EXOSC10: variants seen among roughly 807,000 people sequenced by gnomAD.
EXOSC10 encodes exosome component 10.
Under a neutral mutation model 126.6 loss-of-function variants are expected in EXOSC10, and 94 were observed. That is an observed-to-expected ratio of 0.74 (90% CI 0.63 to 0.88). The LOEUF (loss-of-function observed/expected upper bound fraction) is 0.88. EXOSC10 is among the 40% of genes least tolerant of loss of function. The pLI is 0.00. For synonymous variants in EXOSC10, 395 were observed against 400.8 expected, an observed-to-expected ratio of 0.99 and a Z score of 0.17; for missense variants, 1,041 against 1,100.5, an observed-to-expected ratio of 0.95 and a Z score of 0.77.
At chr1:11,077,495 T>TAGCTTTCTGCCAGCTGTCAGC in intron 15 of EXOSC10, 52 bp from the exon 16 acceptor site, 1 of 1,593,844 alleles carries the variant, frequency 6.3e-7, no homozygotes, top group South Asian at 1.1e-5. Flanking sequence ...AAGCCGGCAG[T>TAGCTTTCTGCCAGCTGTCAGC]AGCTTTCTGC....
At chr1:11,070,474 A>G (rs1241584025) in intron 21 of EXOSC10, among the ~76,000 whole-genome samples, 1 of 148,476 alleles carries the variant, frequency 6.7e-6, no homozygotes, top group African/African-American at 2.5e-5. Flanking sequence ...GTGAGCTGCA[A>G]CTGTGCCACT....
intron 15 of EXOSC10, 60 bp from the exon 16 acceptor site, chr1:11,077,503 T>C (rs1331708666): frequency 5.6e-6 from 9 of 1,601,768 alleles, no homozygotes; most frequent in African/African-American, 5.4e-5. Flanking sequence ...AGTAGCTTTC[T>C]GCCAGCTGTC....
intron 19 of EXOSC10, chr1:11,072,453 C>A: frequency 3.2e-6 from 1 of 317,162 alleles, no homozygotes; most frequent in Non-Finnish European, 5.9e-6. Flanking sequence ...ATCACCCTCT[C>A]TTTAGAGATG....
chr1:11,095,701 G>A (rs1181090781), intron 3 of EXOSC10, 57 bp downstream of exon 3: 21 of 1,545,128 alleles, frequency 1.4e-5, no homozygotes, highest in Middle Eastern at 1.7e-4. Context: ...GCGACAGAGC[G>A]AGACTCCGTC....
chr1:11,067,324 C>T (rs911244129), intron 24 of EXOSC10, among the ~76,000 whole-genome samples: 1 of 151,976 alleles, frequency 6.6e-6, no homozygotes, highest in African/African-American at 2.4e-5. Flanking sequence ...CCCAGCTACT[C>T]GAGAGGCTGA....
chr1:11,090,342 T>C lies in EXOSC10; in HGVS notation c.758+212A>G, dbSNP rs548155113. Among the ~76,000 whole-genome samples the C allele has an allele frequency of 3.7e-3, 571 of 152,312 alleles. 1 individual carries two copies. Among genetic ancestry groups the C allele is most frequent in the Non-Finnish European group, 6.8e-3 (466 of 68,030 alleles). ...AAATGGGAATAAGAGCAACTGCTAC[T>C]TCTCAGGACTGCAGTGAGGTTTACA... On this transcript the variant is annotated intron_variant, in intron 6 of 24. Coordinates refer to ENST00000376936, the MANE Select transcript of EXOSC10 (RefSeq NM_001001998.3).
In EXOSC10 at chr1:11,095,862, A is replaced by C; in HGVS notation, c.268T>G (p.Tyr90Asp). ...LLQCMSRVMQ[Y>D]HGCRSNIKDR... ...TTAATGTTGCTGCGACACCCATGGT[A>C]CTGCATTACTCTGCTCATGCTAAGG... Residue 90 changes from tyrosine to aspartate, a missense_variant, in exon 3 of 25, where the codon TAC becomes GAC. Physicochemically the swap from Tyr to Asp is radical, Grantham distance 160. Around this residue, in one of 3 missense-constraint regions of EXOSC10, gnomAD observed 645 missense variants for 656.3 expected, o/e 0.98. Transcript: ENST00000376936. 6.2e-7 allele frequency: 1 copy of C among 1,613,962 alleles called. No individual in the cohort carries two copies. Among genetic ancestry groups the C allele is most frequent in the Non-Finnish European group, 8.5e-7 (1 of 1,179,784 alleles).
intron 22 of EXOSC10, 145 bp from the exon 23 acceptor site, chr1:11,068,851 G>A: frequency 1.4e-6 from 1 of 690,124 alleles, no homozygotes; most frequent in East Asian, 2.6e-5. Flanking sequence ...TAGGGCTCAT[G>A]GCTCACATAA....
rs113030447 is a variant in EXOSC10 at position 11,082,079 on chromosome 1, C to CAA, written c.1280+607_1280+608dup. On this transcript the variant is annotated intron_variant, in intron 10 of 24. Coordinates refer to ENST00000376936, the MANE Select transcript of EXOSC10 (RefSeq NM_001001998.3). ...CCTGGGCAACAGTGAAACTGCATCT[C>CAA]AAAAAAAAAAAAAGAAAAAAAGAAA... Among the ~76,000 whole-genome samples the CAA allele has an allele frequency of 4.9e-3, 569 of 116,916 alleles. 4 individuals are homozygous for CAA. Among genetic ancestry groups the CAA allele is most frequent in the African/African-American group, 0.017 (530 of 31,822 alleles). The allele number at this position is 116,916 out of a possible 152,430, so 76.7% of individuals were successfully genotyped here. A position where few individuals can be genotyped will look rare whatever the true frequency, so the allele number is the denominator to read the frequency against.
chr1:11,086,851 C>T (rs1338940680), intron 9 of EXOSC10, among the ~76,000 whole-genome samples: 1 of 152,030 alleles, frequency 6.6e-6, no homozygotes, highest in East Asian at 1.9e-4. Flanking sequence ...GCACTAAATG[C>T]CCATAATAGA....
intron 9 of EXOSC10, among the ~76,000 whole-genome samples, chr1:11,085,257 T>A (rs1288727737): frequency 6.6e-6 from 1 of 152,224 alleles, no homozygotes; most frequent in African/African-American, 2.4e-5. Flanking sequence ...TTCCTACCCA[T>A]GAGCATGGAA....
Position 11,087,442 on chromosome 1 carries a change from G to T in EXOSC10, c.1089+6C>A, listed in dbSNP as rs375576546. The stretch of plus-strand genomic sequence containing the variant: ...CACATGCATGAGTTACAAAAGGCTG[G>T]CTGACCTTAACGATGGCTGGGTCTG... On this transcript the variant is annotated splice_donor_region_variant and intron_variant, in intron 9 of 24. Coordinates refer to ENST00000376936, the MANE Select transcript of EXOSC10 (RefSeq NM_001001998.3). 4 of 1,613,978 alleles carry T rather than the reference G, an allele frequency of 2.5e-6. No homozygotes were observed. The highest frequency in any genetic ancestry group is 3.4e-6 in the Non-Finnish European group (4 of 1,179,940).
intron 2 of EXOSC10, among the ~76,000 whole-genome samples, chr1:11,096,126 G>T (rs999240715): frequency 6.6e-6 from 1 of 152,046 alleles, no homozygotes; most frequent in African/African-American, 2.4e-5. Context: ...TGGGATTATA[G>T]GCACATGCCA....
intron 6 of EXOSC10, among the ~76,000 whole-genome samples, chr1:11,088,654 C>A (rs115686106): frequency 2.6e-5 from 4 of 152,068 alleles, no homozygotes; most frequent in Non-Finnish European, 4.4e-5. Flanking sequence ...GTGTGTTCCT[C>A]GAGGATCACG....
chr1:11,068,436 AC>A, intron 23 of EXOSC10: 1 of 606,858 alleles, frequency 1.6e-6, no homozygotes, highest in Admixed American at 2.9e-5. Context: ...ACAGAATAAT[AC>A]CCTTTAAAGC....
intron 4 of EXOSC10, 41 bp downstream of exon 4, chr1:11,091,452 A>C (rs1454492402): frequency 6.6e-7 from 1 of 1,524,792 alleles, no homozygotes; most frequent in South Asian, 1.2e-5. Context: ...TCTGTTATGA[A>C]GCTGACATCA....
intron 9 of EXOSC10, among the ~76,000 whole-genome samples, chr1:11,086,098 T>C (rs1640479755): frequency 6.6e-6 from 1 of 151,108 alleles, no homozygotes; most frequent in Non-Finnish European, 1.5e-5. Context: ...TGGTTGTGTC[T>C]CTGCCCGGCT....
At chr1:11,078,215 T>C (rs1639930696) in intron 14 of EXOSC10, among the ~76,000 whole-genome samples, 1 of 151,330 alleles carries the variant, frequency 6.6e-6, no homozygotes, top group African/African-American at 2.4e-5. Context: ...CAGTGAGCCA[T>C]GATTGCACCA....
intron 10 of EXOSC10, among the ~76,000 whole-genome samples, chr1:11,081,720 T>G (rs1640176890): frequency 6.6e-6 from 1 of 152,174 alleles, no homozygotes; most frequent in Non-Finnish European, 1.5e-5. Flanking sequence ...GTTTTTAGAT[T>G]TTATCAATTT....
Sources: gnomAD v4.1 joint callset for allele counts (sites outside exome capture counted in the v4.1 genomes callset) on GRCh38, gnomAD v4.1.1 for gene constraint, gnomAD v4.1.1 regional missense constraint, MANE v1.5 for transcripts, NCBI Gene and HGNC (gene_info 2026-07-23, HGNC 2026-07-21) for gene names.